Variants in ILDR1 observed in about 807,000 individuals in gnomAD.
The protein encoded by ILDR1 is immunoglobulin like domain containing receptor 1, also known as immunoglobulin-like domain-containing receptor 1.
ILDR1 carries 56 observed loss-of-function variants against 62.4 expected under a neutral mutation model. The observed-to-expected ratio is 0.90, with a 90% CI of 0.72 to 1.12. ILDR1 has a LOEUF of 1.12. Ranked by LOEUF, ILDR1 falls within the 50% of genes most tolerant of loss-of-function variation. The pLI, the probability that ILDR1 is intolerant of heterozygous loss-of-function variation, is 0.00. For missense variants in ILDR1, 736 were observed against 710.6 expected, an observed-to-expected ratio of 1.04 and a Z score of -0.41; for synonymous variants, 284 against 277.8, an observed-to-expected ratio of 1.02 and a Z score of -0.22.
Position 122,022,221 on chromosome 3 carries a change from G to A in ILDR1, c.-144C>T. 1 of 698,096 alleles carries A rather than the reference G, an allele frequency of 1.4e-6. No homozygotes were observed. Among genetic ancestry groups the A allele is most frequent in the Non-Finnish European group, 2.3e-6 (1 of 431,430 alleles). 43.2% of individuals were successfully genotyped at this position (698,096 alleles called of 1,614,324 possible). ...TCGGCGCAGCGGGGAGGGAGCGTCCGCTCTGGTCCCGGGGCAGGTGCCGCC... is the reference window on the plus strand; with the variant it reads ...TCGGCGCAGCGGGGAGGGAGCGTCCACTCTGGTCCCGGGGCAGGTGCCGCC... On this transcript the variant is annotated 5_prime_UTR_variant, in exon 1 of 8. Transcript: ENST00000344209.
intron 1 of ILDR1, among the ~76,000 whole-genome samples, chr3:122,018,560 A>G (rs1475621492): frequency 6.6e-6 from 1 of 151,844 alleles, no homozygotes; most frequent in Non-Finnish European, 1.5e-5. Flanking sequence ...CAAACAAAAA[A>G]CCTGCTCCAC....
At chr3:122,055,380 C>A in the ILDR1 span, 1 of 1,073,288 alleles carries the variant, frequency 9.3e-7, no homozygotes, top group Non-Finnish European at 1.4e-6. Flanking sequence ...CCGAGGAAGG[C>A]TTGCACAGGG....
intron 1 of ILDR1, among the ~76,000 whole-genome samples, chr3:122,016,694 G>A (rs1393177044): frequency 1.3e-5 from 2 of 152,220 alleles, no homozygotes; most frequent in Non-Finnish European, 2.9e-5. Flanking sequence ...AGTCTCATAA[G>A]CTATAGGGAT....
At chr3:122,053,021 T>C in the ILDR1 span, among the ~76,000 whole-genome samples, 23 of 152,336 alleles carry the variant, frequency 1.5e-4, no homozygotes, top group Non-Finnish European at 3.1e-4. Flanking sequence ...CTGGCTTCAG[T>C]GCAGTTGTTT....
the ILDR1 span, among the ~76,000 whole-genome samples, chr3:122,048,661 G>A: frequency 6.6e-6 from 1 of 152,134 alleles, no homozygotes. Flanking sequence ...GGTAGGTTCT[G>A]TTTCTAGGAA....
At chr3:122,030,159 C>T in the ILDR1 span, among the ~76,000 whole-genome samples, 1 of 152,302 alleles carries the variant, frequency 6.6e-6, no homozygotes, top group South Asian at 2.1e-4. Flanking sequence ...ACTTGCCATG[C>T]ACAGCCTAAG....
chr3:122,060,616 C>G, the ILDR1 span, among the ~76,000 whole-genome samples: 1 of 151,546 alleles, frequency 6.6e-6, no homozygotes, highest in Non-Finnish European at 1.5e-5. Context: ...AGCGAGACTC[C>G]CATTCCTAAA....
chr3:122,006,058 C>G (rs1172874046), intron 2 of ILDR1, among the ~76,000 whole-genome samples: 1 of 152,168 alleles, frequency 6.6e-6, no homozygotes, highest in Non-Finnish European at 1.5e-5. Context: ...AGAGTAACCC[C>G]CAGGAAACAA....
intron 2 of ILDR1, among the ~76,000 whole-genome samples, chr3:122,005,771 T>A (rs1479862642): frequency 6.6e-6 from 1 of 152,002 alleles, no homozygotes; most frequent in Non-Finnish European, 1.5e-5. Context: ...TAAGGTCACA[T>A]GCCTGTAGTC....
At chr3:122,009,409 A>G (rs969783120) in intron 1 of ILDR1, among the ~76,000 whole-genome samples, 1 of 145,386 alleles carries the variant, frequency 6.9e-6, no homozygotes, top group African/African-American at 2.6e-5. Flanking sequence ...AAACTTTAAT[A>G]TTTACTTGAA....
chr3:122,042,349 C>T, the ILDR1 span, among the ~76,000 whole-genome samples: 1 of 57,306 alleles, frequency 1.7e-5, no homozygotes, highest in Middle Eastern at 4.6e-3. Context: ...CAAGTCTTTG[C>T]TATTGTGAAT....
At chr3:122,031,623 A>G in the ILDR1 span, among the ~76,000 whole-genome samples, 1 of 152,184 alleles carries the variant, frequency 6.6e-6, no homozygotes, top group Non-Finnish European at 1.5e-5. Context: ...TAGTGCCCTT[A>G]TAAGAGAGAC....
the ILDR1 span, among the ~76,000 whole-genome samples, chr3:122,043,915 T>C: frequency 1.7e-5 from 1 of 57,368 alleles, no homozygotes; most frequent in African/African-American, 9.5e-5. Context: ...TATTTCCTTC[T>C]CCTGCCTGAT....
the ILDR1 span, among the ~76,000 whole-genome samples, chr3:122,041,956 T>A: frequency 6.8e-6 from 1 of 147,808 alleles, no homozygotes; most frequent in African/African-American, 2.5e-5. Flanking sequence ...AGGGTACATG[T>A]GCACATTGTG....
Position 122,022,228 on chromosome 3 carries a change from T to C in ILDR1, c.-151A>G. 1.5e-6 allele frequency: 1 copy of C among 651,190 alleles called. No homozygotes were observed. 40.3% of individuals were successfully genotyped at this position (651,190 alleles called of 1,614,324 possible). On this transcript the variant is annotated 5_prime_UTR_variant, in exon 1 of 8. Coordinates refer to ENST00000344209, the MANE Select transcript of ILDR1 (RefSeq NM_001199799.2). ...AGCGGGGAGGGAGCGTCCGCTCTGG[T>C]CCCGGGGCAGGTGCCGCCCGGCTCG... is the stretch of plus-strand genomic sequence containing the variant.
the ILDR1 span, among the ~76,000 whole-genome samples, chr3:122,056,542 C>G: frequency 6.6e-6 from 1 of 152,094 alleles, no homozygotes; most frequent in Non-Finnish European, 1.5e-5. Flanking sequence ...CCATGTTGGC[C>G]AGGATGGTCT....
rs555894512 is a variant in ILDR1, at chr3:122,015,515, A to G, written c.58+6505T>C. Among the ~76,000 whole-genome samples, 326 of 152,230 alleles carry G rather than the reference A, an allele frequency of 2.1e-3. 1 individual carries two copies. Among genetic ancestry groups the G allele is most frequent in the Middle Eastern group, 6.8e-3 (2 of 294 alleles). ...AATTGAATCTTGGGGTGGTTTCCCC[A>G]TTCTATTTTCATGATAGTGAGTTCT... is the stretch of plus-strand genomic sequence containing the variant. On this transcript the variant is annotated intron_variant, in intron 1 of 7. Transcript: ENST00000344209.
In ILDR1 at chr3:121,993,531, A is replaced by G; in HGVS notation, c.1218T>C (p.Ser406=). Residue 406 remains serine, a synonymous_variant, in exon 7 of 8, where the codon TCT becomes TCC. Transcript: ENST00000344209. ...DPSWSGRHRS[S]RLNGSPIHWS... is the part of the protein sequence containing the mutation. ...AGTGTATGGGTGACCCATTCAGCCT[A>G]GAGCTACGGTGCCTTCCACTCCACG... 1 of 1,614,112 alleles carries G rather than the reference A, an allele frequency of 6.2e-7. No homozygotes were observed. The highest frequency in any genetic ancestry group is 1.1e-5 in the South Asian group (1 of 91,084).
rs1479547494 is a variant in ILDR1, at chr3:122,001,795, G to A, written c.449C>T (p.Pro150Leu). Residue 150 changes from proline (P) to leucine (L), a missense_variant, in exon 4 of 8, where the codon CCA becomes CTA. Pro to Leu is a moderately conservative substitution (Grantham distance 98). Coordinates refer to ENST00000344209, the MANE Select transcript of ILDR1 (RefSeq NM_001199799.2). ...ATCGGGGTCTCCTGATGTGTCCCCT[G>A]GAGCCTCAATGGTGCAGTAATACAC... ...HGVYYCTIEA[P>L]GDTSGDPDKE... 1.2e-6 allele frequency: 2 copies of A among 1,613,372 alleles called. No individual in the cohort carries two copies. The highest frequency in any genetic ancestry group is 2.2e-5 in the South Asian group (2 of 91,012).
Sources: gnomAD v4.1 joint callset for allele counts (sites outside exome capture counted in the v4.1 genomes callset) on GRCh38, gnomAD v4.1.1 for gene constraint, MANE v1.5 for transcripts, NCBI Gene and HGNC (gene_info 2026-07-23, HGNC 2026-07-21) for gene names.